Variants in TCP11L2 observed in about 807,000 individuals in gnomAD.
TCP11L2 encodes T-complex protein 11-like protein 2.
Under a neutral mutation model 50.7 loss-of-function variants are expected in TCP11L2, and 39 were observed. That is an observed-to-expected ratio of 0.77 (90% CI 0.60 to 1.01). TCP11L2 has a LOEUF of 1.01. Among genes scored for constraint, TCP11L2 ranks in the 50% least tolerant of loss-of-function variants. TCP11L2 has a pLI of 0.00. For synonymous variants in TCP11L2, 192 were observed against 219.3 expected (o/e 0.88, Z 1.10); for missense variants, 612 against 614.7 (o/e 1.00, Z 0.05).
chr12:106,314,303 C>T (rs180834260), intron 2 of TCP11L2, 55 bp from the exon 3 acceptor site: 87 of 1,577,458 alleles, frequency 5.5e-5, no homozygotes, highest in Middle Eastern at 1.7e-4. Flanking sequence ...CAGGAGGCTT[C>T]GTTGGATGAC....
chr12:106,314,868 G>A (rs556909041), intron 3 of TCP11L2, among the ~76,000 whole-genome samples: 2 of 151,928 alleles, frequency 1.3e-5, no homozygotes, highest in African/African-American at 4.8e-5. Context: ...TATCCAGCAT[G>A]GTGGCATGAG....
intron 6 of TCP11L2, among the ~76,000 whole-genome samples, chr12:106,333,717 C>T (rs1308518834): frequency 6.6e-6 from 1 of 152,112 alleles, no homozygotes; most frequent in Non-Finnish European, 1.5e-5. Flanking sequence ...AAAAACGCTT[C>T]ACTTCCAAAT....
At chr12:106,329,882 C>T (rs1327877594) in intron 6 of TCP11L2, 17 of 985,660 alleles carry the variant, frequency 1.7e-5, no homozygotes, top group Non-Finnish European at 2.0e-5. Flanking sequence ...CAACATTTGC[C>T]AACTGAGGAG....
intron 6 of TCP11L2, among the ~76,000 whole-genome samples, chr12:106,326,625 A>T (rs117797299): frequency 1.8e-3 from 273 of 152,254 alleles, no homozygotes; most frequent in Non-Finnish European, 3.3e-3. Context: ...TCACCCCCTA[A>T]TACAACTGAG....
At chr12:106,317,134 A>G (rs922898769) in intron 3 of TCP11L2, among the ~76,000 whole-genome samples, 3 of 152,240 alleles carry the variant, frequency 2.0e-5, no homozygotes, top group African/African-American at 7.2e-5. Flanking sequence ...GAAAATATTA[A>G]TCTCTCTTCC....
chr12:106,315,988 A>G (rs1027390368), intron 3 of TCP11L2, among the ~76,000 whole-genome samples: 1 of 152,270 alleles, frequency 6.6e-6, no homozygotes, highest in Non-Finnish European at 1.5e-5. Flanking sequence ...AAGGAAGTCA[A>G]TGTAATAACT....
intron 6 of TCP11L2, among the ~76,000 whole-genome samples, chr12:106,333,692 AG>A (rs141172474): frequency 2.1e-3 from 314 of 152,348 alleles, no homozygotes; most frequent in African/African-American, 7.4e-3. Context: ...TAAAAAGTAA[AG>A]GTAAACAAAT....
At chr12:106,309,523 C>T (rs2034766696) in intron 1 of TCP11L2, among the ~76,000 whole-genome samples, 1 of 151,938 alleles carries the variant, frequency 6.6e-6, no homozygotes, top group Non-Finnish European at 1.5e-5. Flanking sequence ...GACCTTAGAC[C>T]TTTCACCCTT....
At chr12:106,330,163 T>A (rs2035698144) in intron 6 of TCP11L2, 1 of 985,354 alleles carries the variant, frequency 1.0e-6, no homozygotes, top group Non-Finnish European at 1.2e-6. Flanking sequence ...AATTTTGTCC[T>A]AAGGCAGACA....
In TCP11L2 at chr12:106,323,653, A is replaced by G. The variant is rs1267741503; in HGVS notation, c.772+7A>G. ...ATTTTGGAAGAAACTCCAAGTGAGT[A>G]TAATATAATGTGTATTTATATTGAA... On this transcript the variant is annotated splice_region_variant and intron_variant, in intron 6 of 9. Transcript: ENST00000299045. The G allele has an allele frequency of 6.5e-7, 1 of 1,536,184 alleles. No individual in the cohort carries two copies. The highest frequency in any genetic ancestry group is 1.4e-5 in the African/African-American group (1 of 72,574).
In TCP11L2 at chr12:106,321,707, G is replaced by GT; in HGVS notation, c.635+3dup. On this transcript the variant is annotated splice_donor_variant, in intron 5 of 9. Transcript: ENST00000299045. LOFTEE classifies it high-confidence loss of function. ...CTGGCAACATCGTGGAGGTGCTGAGGTTAGCACTTTTGCTGTTTGCATTTC... is the reference window on the plus strand; with the variant it reads ...CTGGCAACATCGTGGAGGTGCTGAGGTTTAGCACTTTTGCTGTTTGCATTTC... The GT allele has an allele frequency of 6.2e-7, 1 of 1,613,416 alleles. No individual in the cohort carries two copies. The highest frequency in any genetic ancestry group is 8.5e-7 in the Non-Finnish European group (1 of 1,179,508).
rs1264342247 is a variant in TCP11L2, at chr12:106,329,956, A to G, written c.773-5683A>G. On this transcript the variant is annotated intron_variant, in intron 6 of 9. Coordinates refer to ENST00000299045, the MANE Select transcript of TCP11L2 (RefSeq NM_152772.3). Reference sequence around the variant, plus strand: ...AGTGTGGCAAACAGAACTACTCATAAATTATCCCTGCTCAAGTGCTGGGTC... The same window carrying G: ...AGTGTGGCAAACAGAACTACTCATAGATTATCCCTGCTCAAGTGCTGGGTC... 5 of 985,484 alleles carry G rather than the reference A, an allele frequency of 5.1e-6. No homozygotes were observed. The African/African-American group carries it at 8.7e-5, about 17-fold the overall frequency. The allele number at this position is 985,484 out of a possible 1,614,324, so 61.0% of individuals were successfully genotyped here. A position where few individuals can be genotyped will look rare whatever the true frequency, so the allele number is the denominator to read the frequency against.
chr12:106,313,137 A>C (rs894029892), intron 2 of TCP11L2, among the ~76,000 whole-genome samples: 1 of 152,134 alleles, frequency 6.6e-6, no homozygotes, highest in Non-Finnish European at 1.5e-5. Context: ...AGTTCTTACT[A>C]TCTTCTTCTT....
At chr12:106,299,556 T>C (rs753511063), upstream of TCP11L2, among the ~76,000 whole-genome samples, 5 of 152,182 alleles carry the variant, frequency 3.3e-5, no homozygotes, top group Non-Finnish European at 5.9e-5. Flanking sequence ...CACAGGGCTC[T>C]TCCAAGGGTG....
chr12:106,305,962 GAA>G (rs1338162727), intron 1 of TCP11L2, among the ~76,000 whole-genome samples: 1 of 152,150 alleles, frequency 6.6e-6, no homozygotes, highest in Non-Finnish European at 1.5e-5. Context: ...AGTGACTTAG[GAA>G]AAGGGAACCC....
chr12:106,323,377 T>A (rs1264283559), intron 5 of TCP11L2, 133 bp from the exon 6 acceptor site: 2 of 671,140 alleles, frequency 3.0e-6, no homozygotes, highest in Non-Finnish European at 4.6e-6. Flanking sequence ...AACATGACCC[T>A]ACCAAATGGC....
chr12:106,332,459 C>T (rs2136778330), intron 6 of TCP11L2, among the ~76,000 whole-genome samples: 1 of 152,236 alleles, frequency 6.6e-6, no homozygotes, highest in African/African-American at 2.4e-5. Context: ...CAATAGAATA[C>T]CACTCAGTAA....
chr12:106,311,850 CTTTA>C (rs562071004), intron 2 of TCP11L2, among the ~76,000 whole-genome samples: 1 of 151,384 alleles, frequency 6.6e-6, no homozygotes, highest in Non-Finnish European at 1.5e-5. Context: ...TTAATTGGCA[CTTTA>C]TTTAGTAAAT....
rs1166081913 is a variant in TCP11L2, at chr12:106,346,707, G to A, written c.*177G>A. ...GACACACACATCACATAGACCCTCA[G>A]AAGACGTAAACATCACATAGACCCT... On this transcript the variant is annotated 3_prime_UTR_variant, in exon 10 of 10. Coordinates refer to ENST00000299045, the MANE Select transcript of TCP11L2 (RefSeq NM_152772.3). The A allele has an allele frequency of 3.0e-6, 2 of 671,694 alleles. No individual in the cohort carries two copies. The highest frequency in any genetic ancestry group is 3.6e-5 in the African/African-American group (2 of 55,808). 41.6% of individuals were successfully genotyped at this position (671,694 alleles called of 1,614,324 possible).
Sources: gnomAD v4.1 joint callset for allele counts (sites outside exome capture counted in the v4.1 genomes callset) on GRCh38, gnomAD v4.1.1 for gene constraint, MANE v1.5 for transcripts, NCBI Gene and HGNC (gene_info 2026-07-23, HGNC 2026-07-21) for gene names.